Variants in MTMR2 observed in about 807,000 individuals in gnomAD.
MTMR2 encodes phosphatidylinositol-3,5-bisphosphate 3-phosphatase MTMR2.
MTMR2 carries 55 observed loss-of-function variants against 86.9 expected under a neutral mutation model. That is an observed-to-expected ratio of 0.63 (90% CI 0.51 to 0.79). The LOEUF is 0.79. MTMR2 is among the 30% of genes least tolerant of loss of function. The pLI, the probability that MTMR2 is intolerant of heterozygous loss-of-function variation, is 0.00. For missense variants in MTMR2, 659 were observed against 772.3 expected (o/e 0.85, Z 1.74); for synonymous variants, 241 against 266.8 (o/e 0.90, Z 0.94).
At chr11:95,923,587 T>C in intron 1 of MTMR2, 1 of 1,086,468 alleles carries the variant, frequency 9.2e-7, no homozygotes. Flanking sequence ...TGAGAGGGAA[T>C]GAAAGACAGG....
At chr11:95,886,540 C>T (rs1865517529) in intron 2 of MTMR2, among the ~76,000 whole-genome samples, 2 of 152,114 alleles carry the variant, frequency 1.3e-5, no homozygotes, top group African/African-American at 4.8e-5. Flanking sequence ...TTTCAGCATC[C>T]TGCAGTGTAC....
rs1865744223 is a variant in MTMR2 at position 95,892,404 on chromosome 11, GTCTATAAC to G, written c.81-4151_81-4144del. 1.1e-4 allele frequency among the ~76,000 whole-genome samples: 16 copies of G among 152,238 alleles called. 1 individual carries two copies. The South Asian group carries it at 3.3e-3, about 32-fold the overall frequency. ...AGTCTTCTACACTTTCATAGACTTT[GTCTATAAC>G]TGCACTTAACACTTCCCACATTAGA... On this transcript the variant is annotated intron_variant, in intron 1 of 14. Transcript: ENST00000346299.
At chr11:95,852,719 TCTTA>T (rs1444209028) in intron 7 of MTMR2, among the ~76,000 whole-genome samples, 3 of 152,098 alleles carry the variant, frequency 2.0e-5, no homozygotes, top group Non-Finnish European at 4.4e-5. Context: ...AGAACTACAG[TCTTA>T]ATTAGAGGTT....
chr11:95,843,135 CA>C, intron 11 of MTMR2, among the ~76,000 whole-genome samples: 1 of 151,722 alleles, frequency 6.6e-6, no homozygotes, highest in Non-Finnish European at 1.5e-5. Flanking sequence ...AAACAGCTGA[CA>C]ATATTTGTTG....
At chr11:95,870,952 G>A (rs1347423808) in intron 2 of MTMR2, among the ~76,000 whole-genome samples, 1 of 147,532 alleles carries the variant, frequency 6.8e-6, no homozygotes, top group East Asian at 2.0e-4. Flanking sequence ...TGTTCTCATT[G>A]TCCAATTCCC....
At chr11:95,844,910 A>G (rs1222061038) in intron 11 of MTMR2, 43 bp downstream of exon 11, 2 of 1,489,248 alleles carry the variant, frequency 1.3e-6, no homozygotes, top group East Asian at 2.3e-5. Flanking sequence ...ATGCCTTGGC[A>G]TGAATGCATG....
chr11:95,915,584 T>C (rs1324869251), intron 1 of MTMR2, among the ~76,000 whole-genome samples: 1 of 152,136 alleles, frequency 6.6e-6, no homozygotes, highest in East Asian at 1.9e-4. Context: ...GTCAAAGATA[T>C]AAAAACAAAC....
intron 1 of MTMR2, among the ~76,000 whole-genome samples, chr11:95,921,054 GA>G (rs1344373387): frequency 6.6e-6 from 1 of 152,182 alleles, no homozygotes; most frequent in Non-Finnish European, 1.5e-5. Flanking sequence ...AGTACTTAAA[GA>G]AATTAGAGAT....
chr11:95,856,813 A>G (rs1373954236), intron 7 of MTMR2, among the ~76,000 whole-genome samples: 1 of 152,096 alleles, frequency 6.6e-6, no homozygotes, highest in African/African-American at 2.4e-5. Flanking sequence ...AGTAGTCCTC[A>G]TTTTTATAAT....
intron 1 of MTMR2, among the ~76,000 whole-genome samples, chr11:95,907,468 T>C (rs575444918): frequency 2.0e-5 from 3 of 151,936 alleles, no homozygotes; most frequent in African/African-American, 7.2e-5. Flanking sequence ...CTATGGAAAC[T>C]ATTCCCCCCA....
At chr11:95,877,183 T>C (rs2135519687) in intron 2 of MTMR2, among the ~76,000 whole-genome samples, 1 of 152,256 alleles carries the variant, frequency 6.6e-6, no homozygotes, top group East Asian at 1.9e-4. Context: ...TATTCTATTT[T>C]CTCTACAACT....
intron 1 of MTMR2, among the ~76,000 whole-genome samples, chr11:95,915,136 T>C (rs1365523860): frequency 6.6e-6 from 1 of 152,188 alleles, no homozygotes; most frequent in African/African-American, 2.4e-5. Context: ...TGTTGTTATC[T>C]AATATTGGTA....
chr11:95,836,407 T>A, intron 13 of MTMR2, 83 bp from the exon 14 acceptor site: 1 of 1,317,564 alleles, frequency 7.6e-7, no homozygotes, highest in Non-Finnish European at 1.1e-6. Context: ...AAGTACTTTG[T>A]TGTCATTAAA....
Position 95,835,281 on chromosome 11 carries a change from T to TA in MTMR2, c.*8dup, listed in dbSNP as rs2135398576. The TA allele has an allele frequency of 1.2e-6, 2 of 1,612,460 alleles. No individual in the cohort carries two copies. Among genetic ancestry groups the TA allele is most frequent in the East Asian group, 2.2e-5 (1 of 44,832 alleles). On this transcript the variant is annotated 3_prime_UTR_variant, in exon 15 of 15. Transcript: ENST00000346299. Reference sequence around the variant, plus strand: ...TGTATAGCAATGATGCCCCTGATCTTACAGTCCTTTATACAACAGTTTGGA... The same window carrying TA: ...TGTATAGCAATGATGCCCCTGATCTTAACAGTCCTTTATACAACAGTTTGGA...
intron 2 of MTMR2, among the ~76,000 whole-genome samples, chr11:95,869,463 T>C (rs1864768273): frequency 6.6e-6 from 1 of 152,172 alleles, no homozygotes; most frequent in South Asian, 2.1e-4. Context: ...TATGACACAC[T>C]TTCTCTAATA....
intron 1 of MTMR2, among the ~76,000 whole-genome samples, chr11:95,921,470 GA>G (rs1866923193): frequency 6.6e-6 from 1 of 152,174 alleles, no homozygotes; most frequent in African/African-American, 2.4e-5. Flanking sequence ...AAACAATCTA[GA>G]TAGACACTTA....
chr11:95,889,329 CA>C (rs1418862014), intron 1 of MTMR2, among the ~76,000 whole-genome samples: 1 of 151,928 alleles, frequency 6.6e-6, no homozygotes, highest in Non-Finnish European at 1.5e-5. Context: ...GACGAGGTTT[CA>C]CCATGTTGGC....
At chr11:95,877,138 C>T (rs1194514339) in intron 2 of MTMR2, among the ~76,000 whole-genome samples, 1 of 152,192 alleles carries the variant, frequency 6.6e-6, no homozygotes, top group Non-Finnish European at 1.5e-5. Flanking sequence ...GTTGGATAAT[C>T]CTTCTAAAGA....
chr11:95,857,457 T>C lies in MTMR2; in HGVS notation c.654+95A>G, dbSNP rs112674905. 5.0e-3 allele frequency: 3,912 copies of C among 785,182 alleles called. 16 individuals carry two copies. The highest frequency in any genetic ancestry group is 0.013 in the Middle Eastern group (57 of 4,422). The allele number at this position is 785,182 out of a possible 1,614,324, so 48.6% of individuals were successfully genotyped here. ...CTTAATGTGGTGAATTACTGTGGTA[T>C]GAGATATGCTGGTTTTCGTACATGG... On this transcript the variant is annotated intron_variant, in intron 7 of 14. Coordinates refer to ENST00000346299, the MANE Select transcript of MTMR2 (RefSeq NM_016156.6).
Sources: gnomAD v4.1 joint callset for allele counts (sites outside exome capture counted in the v4.1 genomes callset) on GRCh38, gnomAD v4.1.1 for gene constraint, MANE v1.5 for transcripts, NCBI Gene and HGNC (gene_info 2026-07-23, HGNC 2026-07-21) for gene names.